Variants in TBC1D2B observed in about 807,000 individuals in gnomAD.
TBC1D2B encodes TBC1 domain family member 2B.
Under a neutral mutation model 100.8 loss-of-function variants are expected in TBC1D2B, and 64 were observed. That is an observed-to-expected ratio of 0.64 (90% CI 0.52 to 0.78). The LOEUF (loss-of-function observed/expected upper bound fraction) is 0.78. Among genes scored for constraint, TBC1D2B ranks in the 30% least tolerant of loss-of-function variants. The pLI is 0.00. For synonymous variants in TBC1D2B, 480 were observed against 479.7 expected (o/e 1.00, Z -0.01); for missense variants, 1,052 against 1,218.4 (o/e 0.86, Z 2.03).
intron 10 of TBC1D2B, among the ~76,000 whole-genome samples, chr15:78,007,779 G>C (rs1169157821): frequency 6.6e-6 from 1 of 152,212 alleles, no homozygotes; most frequent in Non-Finnish European, 1.5e-5. Flanking sequence ...GAAGGGAGCC[G>C]GTGGGGTCAG....
Position 78,016,537 on chromosome 15 carries a change from C to T in TBC1D2B, c.1775+9G>A. 2 of 1,611,038 alleles carry T rather than the reference C, an allele frequency of 1.2e-6. No individual in the cohort carries two copies. Among genetic ancestry groups the T allele is most frequent in the Non-Finnish European group, 1.7e-6 (2 of 1,179,208 alleles). ...GTGCACTACCCTCAACAGTCACTAG[C>T]ACATTTACCTGACAAGATGAGGTTT... On this transcript the variant is annotated intron_variant, in intron 8 of 12. Transcript: ENST00000300584.
intron 3 of TBC1D2B, among the ~76,000 whole-genome samples, chr15:78,036,014 T>A (rs1014097649): frequency 6.6e-6 from 1 of 152,162 alleles, no homozygotes; most frequent in Non-Finnish European, 1.5e-5. Flanking sequence ...CCTCATGACA[T>A]GGTAAATACA....
At chr15:78,026,966 G>A (rs1247619397) in intron 4 of TBC1D2B, among the ~76,000 whole-genome samples, 9 of 151,658 alleles carry the variant, frequency 5.9e-5, no homozygotes, top group African/African-American at 1.7e-4. Flanking sequence ...TGTACCTGTG[G>A]TCCCAGCTAT....
chr15:78,067,294 C>G (rs1240384690), intron 1 of TBC1D2B, among the ~76,000 whole-genome samples: 3 of 152,118 alleles, frequency 2.0e-5, no homozygotes, highest in South Asian at 2.1e-4. Context: ...ATGCCTTCCT[C>G]CAGCTCCCAG....
At chr15:78,076,869 G>A (rs1264201342) in intron 1 of TBC1D2B, among the ~76,000 whole-genome samples, 1 of 152,240 alleles carries the variant, frequency 6.6e-6, no homozygotes, top group South Asian at 2.1e-4. Context: ...ATTTTACAGA[G>A]GAGGCCGCTG....
At position 78,077,638 on chromosome 15, in the gene TBC1D2B, T is replaced by TCCGGCCC. The variant is rs2073854828; in HGVS notation, c.8_14dup (p.Ala6GlyfsTer140). The TCCGGCCC allele has an allele frequency of 1.0e-6, 1 of 983,218 alleles. No homozygotes were observed. The highest frequency in any genetic ancestry group is 4.6e-5 in the South Asian group (1 of 21,684). The allele number at this position is 983,218 out of a possible 1,614,324, so 60.9% of individuals were successfully genotyped here. A position where few individuals can be genotyped will look rare whatever the true frequency, so the allele number is the denominator to read the frequency against. The stretch of plus-strand genomic sequence containing the variant: ...CGCCGCCGCCCTCCTCCGCCCGGGC[T>TCCGGCCC]CCGGCCCCCGGCATCGCTACCGCGC... On this transcript the variant is annotated frameshift_variant, in exon 1 of 13. Coordinates refer to ENST00000300584, the MANE Select transcript of TBC1D2B (RefSeq NM_144572.2). LOFTEE classifies it high-confidence loss of function.
In TBC1D2B at chr15:78,077,632, C is replaced by A. The variant is rs997385507; in HGVS notation, c.21G>T (p.Arg7=). The change falls in exon 1 of 13, where the codon CGG becomes CGT. Residue 7 remains arginine (R), a synonymous_variant. Coordinates refer to ENST00000300584, the MANE Select transcript of TBC1D2B (RefSeq NM_144572.2). ...CGCCGCCGCCGCCGCCCTCCTCCGC[C>A]CGGGCTCCGGCCCCCGGCATCGCTA... is the stretch of plus-strand genomic sequence containing the variant. MPGAGA[R]AEEGGGGGEG... The A allele has an allele frequency of 9.0e-6, 9 of 997,146 alleles. No homozygotes were observed. The highest frequency in any genetic ancestry group is 9.5e-6 in the Non-Finnish European group (8 of 838,412). 61.8% of individuals were successfully genotyped at this position (997,146 alleles called of 1,614,324 possible).
chr15:78,058,716 T>C (rs148044827), intron 1 of TBC1D2B, among the ~76,000 whole-genome samples: 1 of 152,302 alleles, frequency 6.6e-6, no homozygotes, highest in African/African-American at 2.4e-5. Context: ...AGGATCACCA[T>C]CTGCCCCCCA....
At chr15:78,014,301 A>G (rs2072312551) in intron 8 of TBC1D2B, among the ~76,000 whole-genome samples, 1 of 152,230 alleles carries the variant, frequency 6.6e-6, no homozygotes, top group African/African-American at 2.4e-5. Context: ...TTGTTGTACC[A>G]GTAAAAGAAA....
At chr15:78,058,330 G>T (rs2073469471) in intron 1 of TBC1D2B, among the ~76,000 whole-genome samples, 1 of 152,116 alleles carries the variant, frequency 6.6e-6, no homozygotes, top group South Asian at 2.1e-4. Context: ...GGGGGTGTGG[G>T]GCAGCCAACA....
At chr15:78,006,323 C>T (rs1567012806) in intron 10 of TBC1D2B, among the ~76,000 whole-genome samples, 1 of 152,240 alleles carries the variant, frequency 6.6e-6, no homozygotes, top group East Asian at 1.9e-4. Flanking sequence ...TACTGACCCT[C>T]TAATCCCACC....
intron 6 of TBC1D2B, among the ~76,000 whole-genome samples, chr15:78,022,340 A>G (rs1188431495): frequency 6.6e-6 from 1 of 152,198 alleles, no homozygotes; most frequent in Non-Finnish European, 1.5e-5. Context: ...GCCTGGGCAA[A>G]AGAGCAAGAC....
At position 78,045,144 on chromosome 15, in the gene TBC1D2B, CTT is replaced by C. The variant is rs2073170192; in HGVS notation, c.515-78_515-77del. On this transcript the variant is annotated intron_variant, in intron 2 of 12. Coordinates refer to ENST00000300584, the MANE Select transcript of TBC1D2B (RefSeq NM_144572.2). ...CTTGACATCCCACATAAAACACTGA[CTT>C]GACATACTATATAAAAATCTAAACT... 2.3e-6 allele frequency: 3 copies of C among 1,297,858 alleles called. No homozygotes were observed. The Admixed American group carries it at 7.0e-5, about 30-fold the overall frequency. 80.4% of individuals were successfully genotyped at this position (1,297,858 alleles called of 1,614,324 possible). A position where few individuals can be genotyped will look rare whatever the true frequency, so the allele number is the denominator to read the frequency against.
intron 3 of TBC1D2B, among the ~76,000 whole-genome samples, chr15:78,032,139 A>C (rs2072831129): frequency 6.6e-6 from 1 of 152,244 alleles, no homozygotes. Context: ...AAGCTATCCG[A>C]GGACAGGGAG....
Position 77,997,546 on chromosome 15 carries a change from A to C in TBC1D2B, c.*614T>G, listed in dbSNP as rs1478614652. 6.6e-6 allele frequency: 1 copy of C among 152,326 alleles called. No individual in the cohort carries two copies. The highest frequency in any genetic ancestry group is 1.5e-5 in the Non-Finnish European group (1 of 68,086). 9.4% of individuals were successfully genotyped at this position (152,326 alleles called of 1,614,324 possible). On this transcript the variant is annotated 3_prime_UTR_variant, in exon 13 of 13. Transcript: ENST00000300584. ...CACTGATGGAAGGGTTGCGTGTGGA[A>C]GAGCAAAGGCTATTCTAGAAATGGG...
At chr15:78,028,272 C>G (rs1444402794) in intron 4 of TBC1D2B, among the ~76,000 whole-genome samples, 2 of 152,086 alleles carry the variant, frequency 1.3e-5, no homozygotes, top group Non-Finnish European at 2.9e-5. Flanking sequence ...GTCAAGAGTT[C>G]AAGACCAGCC....
At chr15:78,035,057 T>C (rs1023840516) in intron 3 of TBC1D2B, among the ~76,000 whole-genome samples, 4 of 152,152 alleles carry the variant, frequency 2.6e-5, no homozygotes, top group African/African-American at 9.7e-5. Context: ...GCAGTCTCAT[T>C]TGACAGATCT....
At chr15:78,041,570 C>T (rs28394000) in intron 3 of TBC1D2B, among the ~76,000 whole-genome samples, 9,622 of 152,198 alleles carry the variant, frequency 0.063, 472 homozygotes, top group African/African-American at 0.13. Flanking sequence ...ATTTTGAGTG[C>T]ATTAAAAAAT....
intron 3 of TBC1D2B, among the ~76,000 whole-genome samples, chr15:78,043,526 G>A (rs776532112): frequency 5.3e-5 from 8 of 152,068 alleles, no homozygotes; most frequent in Non-Finnish European, 1.0e-4. Context: ...CAGCCTCCAA[G>A]TAATTGGGAC....
Sources: gnomAD v4.1 joint callset for allele counts (sites outside exome capture counted in the v4.1 genomes callset) on GRCh38, gnomAD v4.1.1 for gene constraint, MANE v1.5 for transcripts, NCBI Gene and HGNC (gene_info 2026-07-23, HGNC 2026-07-21) for gene names.